EPYC: variants seen among roughly 807,000 people sequenced by gnomAD.
EPYC encodes epiphycan, also known as dermatan sulfate proteoglycan 3.
A neutral mutation model predicts 30.1 loss-of-function variants in EPYC; 28 were observed. The observed-to-expected ratio is 0.93, with a 90% CI of 0.69 to 1.28. EPYC has a LOEUF of 1.28. EPYC is among the 50% of genes most tolerant of loss of function. The pLI is 0.00. For synonymous variants in EPYC, 144 were observed against 141.4 expected, an observed-to-expected ratio of 1.02 and a Z score of -0.13; for missense variants, 382 against 383.5, an observed-to-expected ratio of 1.00 and a Z score of 0.03.
intron 5 of EPYC, 70 bp from the exon 6 acceptor site, chr12:90,970,209 G>C: frequency 1.8e-6 from 2 of 1,112,540 alleles, no homozygotes; most frequent in South Asian, 1.3e-5. Context: ...AAAAAACACA[G>C]CTGTATTTCC....
chr12:90,974,544 G>A (rs1368112963), intron 3 of EPYC, among the ~76,000 whole-genome samples: 1 of 152,046 alleles, frequency 6.6e-6, no homozygotes, highest in Non-Finnish European at 1.5e-5. Flanking sequence ...AAGATCCAGA[G>A]GAGGTGAATT....
chr12:90,997,636 C>T (rs1237671923), intron 2 of EPYC, among the ~76,000 whole-genome samples: 3 of 151,978 alleles, frequency 2.0e-5, no homozygotes, highest in African/African-American at 7.2e-5. Context: ...TCTGATGAAC[C>T]CTTTAAGGCA....
chr12:90,983,990 A>G (rs1042836870), intron 2 of EPYC, among the ~76,000 whole-genome samples: 7 of 152,142 alleles, frequency 4.6e-5, no homozygotes, highest in Non-Finnish European at 8.8e-5. Flanking sequence ...GGGGAGCCTC[A>G]GAAATGATAT....
intron 4 of EPYC, 30 bp downstream of exon 4, chr12:90,972,792 G>A (rs745754970): frequency 1.7e-5 from 27 of 1,599,434 alleles, no homozygotes; most frequent in Admixed American, 1.4e-4. Context: ...TGTGTAAAGC[G>A]GTGAAGGCCG....
intron 2 of EPYC, among the ~76,000 whole-genome samples, chr12:90,980,949 T>A (rs74965211): frequency 2.3e-3 from 351 of 152,280 alleles, no homozygotes; most frequent in Non-Finnish European, 3.5e-3. Context: ...ACTGCACTTG[T>A]GTGTCTTCTT....
chr12:90,977,398 C>G (rs1203350971), intron 3 of EPYC, among the ~76,000 whole-genome samples: 1 of 152,132 alleles, frequency 6.6e-6, no homozygotes, highest in East Asian at 1.9e-4. Context: ...GCAGGCCATG[C>G]AACATGGTGT....
intron 2 of EPYC, among the ~76,000 whole-genome samples, chr12:90,985,581 A>G (rs1055113328): frequency 6.6e-6 from 1 of 152,186 alleles, no homozygotes; most frequent in Admixed American, 6.5e-5. Flanking sequence ...TTGGTGGTTC[A>G]GAGGACAGAA....
chr12:91,003,387 A>G (rs1470814950), intron 1 of EPYC, among the ~76,000 whole-genome samples: 3 of 152,072 alleles, frequency 2.0e-5, no homozygotes, highest in Non-Finnish European at 4.4e-5. Context: ...ACAGGAATAC[A>G]TGTTTAAAAG....
chr12:90,992,762 G>T (rs933165183), intron 2 of EPYC, among the ~76,000 whole-genome samples: 2 of 152,064 alleles, frequency 1.3e-5, no homozygotes, highest in African/African-American at 4.8e-5. Flanking sequence ...TAAATCATAG[G>T]CTCATCAGAA....
At chr12:91,000,821 G>A (rs1336204235) in intron 2 of EPYC, among the ~76,000 whole-genome samples, 1 of 151,870 alleles carries the variant, frequency 6.6e-6, no homozygotes, top group Admixed American at 6.6e-5. Context: ...TTTTATGCAA[G>A]ATGAAAAAAG....
chr12:91,001,962 G>T (rs148973379), intron 2 of EPYC, among the ~76,000 whole-genome samples: 3 of 151,884 alleles, frequency 2.0e-5, no homozygotes, highest in African/African-American at 7.3e-5. Flanking sequence ...GCTGAGGGGG[G>T]TGCATCACGA....
At chr12:90,987,025 C>T (rs563376445) in intron 2 of EPYC, among the ~76,000 whole-genome samples, 86 of 151,998 alleles carry the variant, frequency 5.7e-4, no homozygotes, top group Non-Finnish European at 8.8e-4. Flanking sequence ...ATTTTTGATA[C>T]ATTAAATGAT....
At chr12:90,972,259 G>T (rs1338737632) in intron 4 of EPYC, among the ~76,000 whole-genome samples, 2 of 152,092 alleles carry the variant, frequency 1.3e-5, no homozygotes, top group Admixed American at 1.3e-4. Context: ...CATAAAGTTT[G>T]TCTGGATTTT....
chr12:90,966,840 C>T (rs145471141), intron 6 of EPYC, among the ~76,000 whole-genome samples: 65 of 152,088 alleles, frequency 4.3e-4, no homozygotes, highest in African/African-American at 1.4e-3. Context: ...TCAGATTATC[C>T]ATTCTTTAGT....
intron 2 of EPYC, among the ~76,000 whole-genome samples, chr12:90,997,223 A>C (rs1259549797): frequency 6.6e-6 from 1 of 152,074 alleles, no homozygotes; most frequent in Non-Finnish European, 1.5e-5. Flanking sequence ...TTGTAGTATA[A>C]CATTTCTTGG....
intron 3 of EPYC, among the ~76,000 whole-genome samples, chr12:90,974,949 T>C (rs1363277103): frequency 6.6e-6 from 1 of 152,130 alleles, no homozygotes; most frequent in African/African-American, 2.4e-5. Context: ...CCTGAGACTT[T>C]CATGTTTATA....
intron 2 of EPYC, among the ~76,000 whole-genome samples, chr12:90,984,887 T>G (rs1202429833): frequency 1.3e-5 from 2 of 152,136 alleles, no homozygotes; most frequent in Admixed American, 1.3e-4. Flanking sequence ...TGTTCCCCTC[T>G]CCCTCTCTGA....
At chr12:91,002,848 CA>C (rs1352313689) in intron 1 of EPYC, among the ~76,000 whole-genome samples, 1 of 106,964 alleles carries the variant, frequency 9.3e-6, no homozygotes, top group Non-Finnish European at 1.9e-5. Flanking sequence ...TAGAGAAAAA[CA>C]GAGCTTATTC....
chr12:91,002,309 A>G (rs1352493162), intron 2 of EPYC, 92 bp downstream of exon 2: 1 of 1,110,030 alleles, frequency 9.0e-7, no homozygotes, highest in Admixed American at 2.5e-5. Flanking sequence ...TTCTACTTAT[A>G]AAAAAACCCA....
Sources: allele counts gnomAD v4.1 joint callset (sites outside exome capture counted in the v4.1 genomes callset), GRCh38; gene constraint gnomAD v4.1.1; transcripts MANE v1.5; gene names NCBI Gene and HGNC (gene_info 2026-07-23, HGNC 2026-07-21).